Variants in ZNF14 observed in about 807,000 individuals in gnomAD.
ZNF14 encodes the protein zinc finger protein 14.
A neutral mutation model predicts 11.3 loss-of-function variants in ZNF14; 9 were observed. The ratio of observed to expected loss-of-function variants is 0.80; its 90% CI spans 0.48 to 1.39. The LOEUF is 1.39. Among genes scored for constraint, ZNF14 ranks in the 40% most tolerant of loss-of-function variants. The probability of loss-of-function intolerance (pLI) is 0.00; values close to 1 mark genes in which losing one functional copy is unlikely to be tolerated. For missense variants in ZNF14, 711 were observed against 763.9 expected (o/e 0.93, Z 0.82); for synonymous variants, 239 against 245.7 (o/e 0.97, Z 0.25).
At chr19:19,721,007 G>C (rs1217210080) in intron 1 of ZNF14, among the ~76,000 whole-genome samples, 1 of 151,994 alleles carries the variant, frequency 6.6e-6, no homozygotes, top group East Asian at 1.9e-4. Context: ...ACTCAGGTTG[G>C]AGCGCAGTGG....
rs537557892 is a variant in ZNF14 at position 19,711,978 on chromosome 19, G to C, written c.1303C>G (p.Gln435Glu). 1 of 1,613,930 alleles carries C rather than the reference G, an allele frequency of 6.2e-7. No individual in the cohort carries two copies. Among genetic ancestry groups the C allele is most frequent in the East Asian group, 2.2e-5 (1 of 44,840 alleles). Residue 435 changes from glutamine to glutamate, a missense_variant, in exon 4 of 4, where the codon CAA (glutamine) becomes GAA (glutamate). By Grantham distance (29) the Gln-to-Glu change is conservative. Transcript: ENST00000344099. ...GCATTGTGAGTCCTTTCATGTCTTT[G>C]AAGGGAACTTGAAAAACTGAAGGTT... Reference protein sequence around the residue: ...GKTFSFSSSLQRHERTHNAEK... With the variant: ...GKTFSFSSSLERHERTHNAEK...
In ZNF14 at chr19:19,712,613, T is replaced by C; in HGVS notation, c.668A>G (p.Tyr223Cys). ...QKHAHTGKKP[Y>C]ECKQCGKAFI... ...GGCTTTCCCACACTGTTTACATTCA[T>C]AGGGTTTCTTTCCAGTATGAGCATG... The change falls in exon 4 of 4, where the codon TAT (tyrosine) becomes TGT (cysteine). Residue 223 changes from tyrosine (Y) to cysteine (C), a missense_variant. Physicochemically the swap from Tyr to Cys is radical, Grantham distance 194 (BLOSUM62 -2). Transcript: ENST00000344099. 6.2e-7 allele frequency: 1 copy of C among 1,613,884 alleles called. No homozygotes were observed. Among genetic ancestry groups the C allele is most frequent in the Non-Finnish European group, 8.5e-7 (1 of 1,179,942 alleles).
chr19:19,719,046 G>A (rs987774605), intron 1 of ZNF14, among the ~76,000 whole-genome samples: 38 of 152,068 alleles, frequency 2.5e-4, no homozygotes, highest in African/African-American at 8.2e-4. Context: ...GATTACAGAC[G>A]TGAGCCACCA....
chr19:19,730,148 T>C (rs1352016457), intron 1 of ZNF14, among the ~76,000 whole-genome samples: 3 of 152,120 alleles, frequency 2.0e-5, no homozygotes, highest in Admixed American at 6.6e-5. Context: ...CTCAACCTCC[T>C]GAGTAGCTGA....
Position 19,712,466 on chromosome 19 carries a change from GTTCT to G in ZNF14, c.811_814del (p.Arg271LeufsTer55). ...TTTGTAGGGTTTTTCTCCAGTGTGA[GTTCT>G]TTCATGAGTTCGAAAGTATGTGGGA... On this transcript the variant is annotated frameshift_variant, in exon 4 of 4. Coordinates refer to ENST00000344099, the MANE Select transcript of ZNF14 (RefSeq NM_021030.3). LOFTEE classifies it low-confidence loss of function (END_TRUNC). The G allele has an allele frequency of 6.4e-7, 1 of 1,559,184 alleles. No individual in the cohort carries two copies. The highest frequency in any genetic ancestry group is 8.8e-7 in the Non-Finnish European group (1 of 1,142,524).
At chr19:19,718,840 A>C (rs1396094043) in intron 1 of ZNF14, among the ~76,000 whole-genome samples, 2 of 152,152 alleles carry the variant, frequency 1.3e-5, no homozygotes, top group African/African-American at 4.8e-5. Flanking sequence ...ATCCTGGCCC[A>C]CTGCAACCTC....
chr19:19,713,101 G>T lies in ZNF14; in HGVS notation c.192-12C>A. 1.3e-6 allele frequency: 2 copies of T among 1,551,070 alleles called. No homozygotes were observed. The highest frequency in any genetic ancestry group is 1.2e-5 in the South Asian group (1 of 80,716). On this transcript the variant is annotated splice_polypyrimidine_tract_variant and intron_variant, in intron 3 of 3. Transcript: ENST00000344099. ...CAACCATATGACATCTGTAAAAAAT[G>T]AATAGCACATTATTAGTGGCTTTTT...
intron 1 of ZNF14, among the ~76,000 whole-genome samples, chr19:19,716,922 G>C (rs896361142): frequency 6.6e-6 from 1 of 152,164 alleles, no homozygotes; most frequent in African/African-American, 2.4e-5. Context: ...AAGCCTATGT[G>C]ACCTGGGGGC....
chr19:19,712,648 AG>A lies in ZNF14; in HGVS notation c.632del (p.Ser211PhefsTer116), dbSNP rs1225335046. The A allele has an allele frequency of 6.2e-7, 1 of 1,613,880 alleles. No homozygotes were observed. Among genetic ancestry groups the A allele is most frequent in the Admixed American group, 1.7e-5 (1 of 60,000 alleles). ...QCGKTFIYYQ[S>X]FQKHAHTGKK... ...TTCCAGTATGAGCATGTTTTTGAAAAGACTGGTAATATATAAAGGTTTTTCC... is the reference window on the plus strand; with the variant it reads ...TTCCAGTATGAGCATGTTTTTGAAAAACTGGTAATATATAAAGGTTTTTCC... On this transcript the variant is annotated frameshift_variant, in exon 4 of 4. Transcript: ENST00000344099. LOFTEE classifies it low-confidence loss of function (END_TRUNC).
rs1384171127 is a variant in ZNF14 at position 19,713,103 on chromosome 19, A to G, written c.192-14T>C. ...ACCATATGACATCTGTAAAAAATGA[A>G]TAGCACATTATTAGTGGCTTTTTAA... On this transcript the variant is annotated splice_polypyrimidine_tract_variant and intron_variant, in intron 3 of 3. Transcript: ENST00000344099. 1.9e-6 allele frequency: 3 copies of G among 1,546,420 alleles called. No individual in the cohort carries two copies. In the Admixed American group the frequency reaches 6.5e-5, roughly 34 times the overall value.
intron 1 of ZNF14, among the ~76,000 whole-genome samples, chr19:19,728,646 A>G (rs1295275244): frequency 1.5e-5 from 2 of 132,728 alleles, no homozygotes; most frequent in African/African-American, 5.6e-5. Flanking sequence ...CGAAGGAAGT[A>G]AAGATTATGA....
At position 19,728,617 on chromosome 19, in the gene ZNF14, T is replaced by G. The variant is rs1312496523; in HGVS notation, c.3+4339A>C. Among the ~76,000 whole-genome samples, 3 of 130,986 alleles carry G rather than the reference T, an allele frequency of 2.3e-5. 1 individual carries two copies. Among genetic ancestry groups the G allele is most frequent in the Non-Finnish European group, 5.0e-5 (3 of 59,536 alleles). The allele number at this position is 130,986 out of a possible 152,430, so 85.9% of individuals were successfully genotyped here. The stretch of plus-strand genomic sequence containing the variant: ...TCATTTGTTGATACTTGATGTGAAT[T>G]CTGGTACCAATCTGAACTCGAAGGA... On this transcript the variant is annotated intron_variant, in intron 1 of 3. Transcript: ENST00000344099.
At chr19:19,719,942 T>C (rs1304507816) in intron 1 of ZNF14, among the ~76,000 whole-genome samples, 1 of 152,222 alleles carries the variant, frequency 6.6e-6, no homozygotes, top group Admixed American at 6.5e-5. Flanking sequence ...GCTATGTTCA[T>C]TTCAGACAAA....
Position 19,733,097 on chromosome 19 carries a change from T to C in ZNF14, c.-139A>G. 2.7e-6 allele frequency: 3 copies of C among 1,106,702 alleles called. No homozygotes were observed. Among genetic ancestry groups the C allele is most frequent in the Non-Finnish European group, 3.9e-6 (3 of 768,952 alleles). 68.6% of individuals were successfully genotyped at this position (1,106,702 alleles called of 1,614,324 possible). A position where few individuals can be genotyped will look rare whatever the true frequency, so the allele number is the denominator to read the frequency against. On this transcript the variant is annotated 5_prime_UTR_variant, in exon 1 of 4. Transcript: ENST00000344099. Reference sequence around the variant, plus strand: ...ACGCAATCTTCCCATGGGCCAGGAATGGCGACGTCCGCACTGCGCAGGCCC... The same window carrying C: ...ACGCAATCTTCCCATGGGCCAGGAACGGCGACGTCCGCACTGCGCAGGCCC...
Position 19,710,670 on chromosome 19 carries a change from G to A in ZNF14, c.*682C>T. ...CATTCTCATGTGTGCTCAAAAGGCTGTGTGAAGGCTTTCCCAAATGTCTTA... is the reference window on the plus strand; with the variant it reads ...CATTCTCATGTGTGCTCAAAAGGCTATGTGAAGGCTTTCCCAAATGTCTTA... On this transcript the variant is annotated 3_prime_UTR_variant, in exon 4 of 4. Transcript: ENST00000344099. 1 of 152,764 alleles carries A rather than the reference G, an allele frequency of 6.5e-6. No homozygotes were observed. 9.5% of individuals were successfully genotyped at this position (152,764 alleles called of 1,614,324 possible). A position where few individuals can be genotyped will look rare whatever the true frequency, so the allele number is the denominator to read the frequency against.
Position 19,720,363 on chromosome 19 carries a change from G to A in ZNF14, c.4-5876C>T, listed in dbSNP as rs965310365. 9.8e-5 allele frequency among the ~76,000 whole-genome samples: 14 copies of A among 143,112 alleles called. No individual in the cohort carries two copies. The highest frequency in any genetic ancestry group is 2.0e-4 in the Non-Finnish European group (13 of 65,880). The allele number at this position is 143,112 out of a possible 152,430, so 93.9% of individuals were successfully genotyped here. A position where few individuals can be genotyped will look rare whatever the true frequency, so the allele number is the denominator to read the frequency against. On this transcript the variant is annotated intron_variant, in intron 1 of 3. Coordinates refer to ENST00000344099, the MANE Select transcript of ZNF14 (RefSeq NM_021030.3). The surrounding 1 kb of genome is among the most constrained non-coding windows in gnomAD (Gnocchi z 4.1). ...TATCTTTTTTTTTTTTTTTTGAGATGGAGTCTCGCTCTTGTTGCCCAGGCT... is the reference window on the plus strand; with the variant it reads ...TATCTTTTTTTTTTTTTTTTGAGATAGAGTCTCGCTCTTGTTGCCCAGGCT...
At chr19:19,732,914 C>CA in intron 1 of ZNF14, 42 bp downstream of exon 1, 1 of 1,612,814 alleles carries the variant, frequency 6.2e-7, no homozygotes, top group Non-Finnish European at 8.5e-7. Flanking sequence ...CAGACGGTTC[C>CA]AACCAGAAAC....
intron 2 of ZNF14, 55 bp from the exon 3 acceptor site, chr19:19,714,206 GTTAC>G (rs2062371046): frequency 6.3e-7 from 1 of 1,594,936 alleles, no homozygotes; most frequent in Admixed American, 1.7e-5. Context: ...ATAGAAAATT[GTTAC>G]AGTCTAGTTT....
intron 1 of ZNF14, among the ~76,000 whole-genome samples, chr19:19,717,006 C>T (rs76945979): frequency 0.036 from 5,406 of 152,194 alleles, 143 homozygotes; most frequent in South Asian, 0.057. Flanking sequence ...TCTTTTCCAA[C>T]GCCATTCTCC....
Sources: gnomAD v4.1 joint callset for allele counts (sites outside exome capture counted in the v4.1 genomes callset) on GRCh38, gnomAD v4.1.1 for gene constraint, Gnocchi (gnomAD v3.1) non-coding constraint, MANE v1.5 for transcripts, NCBI Gene and HGNC (gene_info 2026-07-23, HGNC 2026-07-21) for gene names.